The following RAPGEF2 variants were observed in gnomAD, a reference collection of about 807,000 sequenced individuals.
RAPGEF2 encodes the protein PDZ domain containing guanine nucleotide exchange factor (GEF) 1.
A neutral mutation model predicts 186.7 loss-of-function variants in RAPGEF2; 54 were observed. That is an observed-to-expected ratio of 0.29 (90% CI 0.23 to 0.36). The LOEUF is 0.36. RAPGEF2 is among the 10% of genes least tolerant of loss of function. RAPGEF2 has a pLI of 1.00. For synonymous variants in RAPGEF2, 712 were observed against 705.9 expected (o/e 1.01, Z -0.14); for missense variants, 1,532 against 2,045.0 (o/e 0.75, Z 4.84).
At chr4:159,209,023 CG>C (rs1355115205) in intron 3 of RAPGEF2, among the ~76,000 whole-genome samples, 1 of 151,786 alleles carries the variant, frequency 6.6e-6, no homozygotes, top group Non-Finnish European at 1.5e-5. Context: ...CCCAAGTAGC[CG>C]GGATTATAGG....
chr4:159,334,382 G>C (rs1767113699), intron 17 of RAPGEF2, among the ~76,000 whole-genome samples: 1 of 152,024 alleles, frequency 6.6e-6, no homozygotes, highest in Non-Finnish European at 1.5e-5. Flanking sequence ...CTGAGTAGCT[G>C]GGATTACAGG....
At chr4:159,199,057 C>CA (rs749062756) in intron 3 of RAPGEF2, among the ~76,000 whole-genome samples, 7,153 of 80,016 alleles carry the variant, frequency 0.089, 528 homozygotes, top group South Asian at 0.26. Context: ...GACCCTGTCT[C>CA]AAAAAAAAAA....
Position 159,346,944 on chromosome 4 carries a change from G to T in RAPGEF2, c.3658G>T (p.Val1220Leu), listed in dbSNP as rs200983759. Residue 1220 changes from valine (V) to leucine (L), a missense_variant, in exon 25 of 30, where the codon GTG becomes TTG. This residue lies in a region of RAPGEF2 where 594 missense variants were observed against 608.5 expected (regional missense o/e 0.98). Transcript: ENST00000691494. ...KINQGLQVPAVSLYPSRKKVP... is the reference protein window; with the variant it reads ...KINQGLQVPALSLYPSRKKVP... The stretch of plus-strand genomic sequence containing the variant: ...CAACCAGGGACTACAGGTTCCCGCC[G>T]TGTCCCTTTATCCTTCACGGAAGAA... The T allele has an allele frequency of 3.7e-6, 6 of 1,614,162 alleles. No individual in the cohort carries two copies. In the South Asian group the frequency reaches 6.6e-5, roughly 18 times the overall value.
intron 4 of RAPGEF2, among the ~76,000 whole-genome samples, chr4:159,221,277 C>T (rs770375777): frequency 6.6e-5 from 10 of 152,154 alleles, no homozygotes; most frequent in Non-Finnish European, 1.0e-4. Context: ...CCTTCTTCTC[C>T]GCTTGTGCTA....
At chr4:159,210,710 G>A in intron 4 of RAPGEF2, 127 bp downstream of exon 4, 1 of 627,206 alleles carries the variant, frequency 1.6e-6, no homozygotes, top group Non-Finnish European at 2.7e-6. Context: ...AGTACTTTGG[G>A]GTGTTGATGC....
At chr4:159,111,433 T>TTTA (rs1406718239) in intron 1 of RAPGEF2, among the ~76,000 whole-genome samples, 1 of 152,248 alleles carries the variant, frequency 6.6e-6, no homozygotes, top group East Asian at 1.9e-4. Flanking sequence ...TACATTTCGC[T>TTTA]GCCATTTGCA....
chr4:159,339,957 T>A (rs778698102), intron 19 of RAPGEF2, among the ~76,000 whole-genome samples: 2 of 152,212 alleles, frequency 1.3e-5, no homozygotes, highest in Admixed American at 6.5e-5. Context: ...TATCACACGT[T>A]ACTTGCAAGA....
rs979694317 is a variant in RAPGEF2 at position 159,103,166 on chromosome 4, T to G, written c.-997T>G. The G allele has an allele frequency of 6.6e-6, 1 of 151,726 alleles. No homozygotes were observed. The highest frequency in any genetic ancestry group is 2.4e-5 in the African/African-American group (1 of 41,358). The allele number at this position is 151,726 out of a possible 1,614,324, so 9.4% of individuals were successfully genotyped here. ...GAATCGCCGCTTCCCAAACACTCTC[T>G]CCGAGGGGGCTGTGCGCGGCTCTCG... On this transcript the variant is annotated 5_prime_UTR_variant, in exon 1 of 30. Coordinates refer to ENST00000691494, the MANE Select transcript of RAPGEF2 (RefSeq NM_001394067.2).
At chr4:159,123,810 G>A (rs532484061) in intron 1 of RAPGEF2, among the ~76,000 whole-genome samples, 60 of 150,552 alleles carry the variant, frequency 4.0e-4, no homozygotes, top group Non-Finnish European at 5.3e-4. Flanking sequence ...GAGCCACCTC[G>A]CCTGGCTGGA....
At chr4:159,277,856 T>A (rs1759128612) in intron 7 of RAPGEF2, among the ~76,000 whole-genome samples, 1 of 152,188 alleles carries the variant, frequency 6.6e-6, no homozygotes, top group Non-Finnish European at 1.5e-5. Context: ...TTGCAAAAAT[T>A]TTCTCCCGTT....
intron 1 of RAPGEF2, among the ~76,000 whole-genome samples, chr4:159,174,930 T>G (rs1746306980): frequency 6.6e-6 from 1 of 152,098 alleles, no homozygotes; most frequent in Non-Finnish European, 1.5e-5. Context: ...CTAATTTTGT[T>G]TTCTTTTTTC....
Position 159,331,722 on chromosome 4 carries a change from TCCTTTG to T in RAPGEF2, c.1674_1679del (p.Leu558_Pro559del). 6.2e-7 allele frequency: 1 copy of T among 1,614,106 alleles called. No homozygotes were observed. Among genetic ancestry groups the T allele is most frequent in the East Asian group, 2.2e-5 (1 of 44,876 alleles). ...CGTTAACAAAACCATCCCGAGAAGC[TCCTTTG>T]CCTTTTATCTTACTTGGAGGCTCTG... is the stretch of plus-strand genomic sequence containing the variant. On this transcript the variant is annotated inframe_deletion, in exon 15 of 30. Coordinates refer to ENST00000691494, the MANE Select transcript of RAPGEF2 (RefSeq NM_001394067.2).
At chr4:159,310,669 C>CA (rs1247666577) in intron 8 of RAPGEF2, among the ~76,000 whole-genome samples, 7 of 151,970 alleles carry the variant, frequency 4.6e-5, no homozygotes, top group Non-Finnish European at 8.8e-5. Flanking sequence ...TAATGGACAA[C>CA]AAAATCTATG....
In RAPGEF2 at chr4:159,268,743, AT is replaced by A. The variant is rs375015393; in HGVS notation, c.543+24954del. The stretch of plus-strand genomic sequence containing the variant: ...GCTTTTTTTAATGCCACAAAAAATT[AT>A]TGCTTCTTTATAATTGATCCCATGA... On this transcript the variant is annotated intron_variant, in intron 7 of 29. Transcript: ENST00000691494. 4.8e-3 allele frequency among the ~76,000 whole-genome samples: 731 copies of A among 152,074 alleles called. 12 individuals carry two copies. The highest frequency in any genetic ancestry group is 0.017 in the African/African-American group (696 of 41,494).
intron 1 of RAPGEF2, among the ~76,000 whole-genome samples, chr4:159,138,454 T>G (rs1741957684): frequency 1.3e-5 from 2 of 152,202 alleles, no homozygotes; most frequent in Admixed American, 1.3e-4. Context: ...CTTTTGAAAT[T>G]TAAGCAGGTG....
chr4:159,316,988 T>G (rs974797807), intron 9 of RAPGEF2, among the ~76,000 whole-genome samples: 3 of 152,162 alleles, frequency 2.0e-5, no homozygotes, highest in African/African-American at 7.2e-5. Flanking sequence ...TGAGCCTTGC[T>G]TGTCTGTTGT....
chr4:159,271,743 GA>G (rs1561184809), intron 7 of RAPGEF2, among the ~76,000 whole-genome samples: 1 of 152,176 alleles, frequency 6.6e-6, no homozygotes, highest in Non-Finnish European at 1.5e-5. Flanking sequence ...TACACAACTT[GA>G]AAAAGTGCTT....
chr4:159,309,832 T>C (rs890079259), intron 8 of RAPGEF2, among the ~76,000 whole-genome samples: 1 of 152,142 alleles, frequency 6.6e-6, no homozygotes, highest in African/African-American at 2.4e-5. Flanking sequence ...TGTGTAAGGA[T>C]GTAATATGTA....
intron 7 of RAPGEF2, among the ~76,000 whole-genome samples, chr4:159,262,402 G>A (rs964901453): frequency 6.6e-6 from 1 of 150,858 alleles, no homozygotes; most frequent in Admixed American, 6.6e-5. Flanking sequence ...AAATATTAGT[G>A]GGGGGGCCTT....
Sources: allele counts gnomAD v4.1 joint callset (sites outside exome capture counted in the v4.1 genomes callset), GRCh38; gene constraint gnomAD v4.1.1; regional missense constraint gnomAD v4.1.1; transcripts MANE v1.5; gene names NCBI Gene and HGNC (gene_info 2026-07-23, HGNC 2026-07-21).